DLG2: variants seen among roughly 807,000 people sequenced by gnomAD.
DLG2 encodes disks large homolog 2.
Under a neutral mutation model 132.5 loss-of-function variants are expected in DLG2, and 45 were observed. The ratio of observed to expected loss-of-function variants is 0.34; its 90% CI spans 0.27 to 0.44. The LOEUF (loss-of-function observed/expected upper bound fraction) is 0.44. Among genes scored for constraint, DLG2 ranks in the 20% least tolerant of loss-of-function variants. The pLI is 1.00. For synonymous variants in DLG2, 424 were observed against 419.6 expected (o/e 1.01, Z -0.13); for missense variants, 1,045 against 1,196.9 (o/e 0.87, Z 1.87).
rs540529011 is a variant in DLG2 at position 84,847,508 on chromosome 11, C to A, written c.357+264153G>T. 2.6e-5 allele frequency among the ~76,000 whole-genome samples: 4 copies of A among 152,116 alleles called. No homozygotes were observed. In the South Asian group the frequency reaches 6.2e-4, roughly 24 times the overall value. On this transcript the variant is annotated intron_variant, in intron 6 of 27. Coordinates refer to ENST00000376104, the MANE Select transcript of DLG2 (RefSeq NM_001142699.3). Reference sequence around the variant, plus strand: ...AGCTATGAGCTAATGAAGGAACTGTCCAGTTTTCAAGCACAATCTAGAAAA... The same window carrying A: ...AGCTATGAGCTAATGAAGGAACTGTACAGTTTTCAAGCACAATCTAGAAAA...
intron 7 of DLG2, among the ~76,000 whole-genome samples, chr11:84,335,033 T>A (rs1037372196): frequency 6.6e-6 from 1 of 151,910 alleles, no homozygotes; most frequent in African/African-American, 2.4e-5. Flanking sequence ...ATTTGCAGCC[T>A]CAAAAATATA....
chr11:84,801,005 C>G (rs1299818731), intron 6 of DLG2, among the ~76,000 whole-genome samples: 1 of 152,082 alleles, frequency 6.6e-6, no homozygotes, highest in Non-Finnish European at 1.5e-5. Flanking sequence ...GCTGAGCAAG[C>G]CTGGGGAGCA....
At chr11:85,253,276 T>A (rs1216402685) in intron 4 of DLG2, among the ~76,000 whole-genome samples, 1 of 152,168 alleles carries the variant, frequency 6.6e-6, no homozygotes, top group African/African-American at 2.4e-5. Context: ...AAAAATCACA[T>A]ACATAGCAAA....
At chr11:83,981,022 T>C (rs1402322123) in intron 11 of DLG2, among the ~76,000 whole-genome samples, 2 of 152,200 alleles carry the variant, frequency 1.3e-5, no homozygotes, top group East Asian at 1.9e-4. Flanking sequence ...GTTGACTCTA[T>C]GGGCTCATTT....
intron 3 of DLG2, among the ~76,000 whole-genome samples, chr11:85,576,935 C>T (rs1311054297): frequency 1.3e-5 from 2 of 152,010 alleles, no homozygotes; most frequent in African/African-American, 4.8e-5. Flanking sequence ...CAAAGAATTC[C>T]ACACAGAGGA....
chr11:85,402,856 G>A (rs1423745390), intron 3 of DLG2, among the ~76,000 whole-genome samples: 1 of 152,166 alleles, frequency 6.6e-6, no homozygotes, highest in African/African-American at 2.4e-5. Flanking sequence ...ATGCTGGAGA[G>A]GATGTGGAAA....
intron 6 of DLG2, among the ~76,000 whole-genome samples, chr11:84,625,252 A>C (rs2099620715): frequency 6.6e-6 from 1 of 152,138 alleles, no homozygotes; most frequent in Admixed American, 6.5e-5. Flanking sequence ...AAGCCAATGC[A>C]TGTTCCTAGG....
chr11:83,918,788 A>G (rs2077353267), intron 15 of DLG2, among the ~76,000 whole-genome samples: 1 of 152,116 alleles, frequency 6.6e-6, no homozygotes, highest in Non-Finnish European at 1.5e-5. Context: ...TCAGTGCTGT[A>G]ACATGAGACT....
intron 6 of DLG2, among the ~76,000 whole-genome samples, chr11:85,054,924 G>A (rs375174316): frequency 2.0e-5 from 3 of 152,098 alleles, no homozygotes; most frequent in South Asian, 4.1e-4. Flanking sequence ...TCAGTACTGG[G>A]GTGATGGAAT....
intron 6 of DLG2, among the ~76,000 whole-genome samples, chr11:84,781,820 A>T (rs1446871220): frequency 6.6e-6 from 1 of 152,150 alleles, no homozygotes; most frequent in Non-Finnish European, 1.5e-5. Flanking sequence ...TCAGTGCTGA[A>T]CAACTTTTAG....
chr11:83,955,266 C>G (rs558190358), intron 14 of DLG2, among the ~76,000 whole-genome samples: 1 of 152,250 alleles, frequency 6.6e-6, no homozygotes, highest in South Asian at 2.1e-4. Flanking sequence ...GGTCACACAG[C>G]TAGGAAATGG....
chr11:84,085,744 G>C (rs147176861), intron 10 of DLG2, among the ~76,000 whole-genome samples: 4 of 152,108 alleles, frequency 2.6e-5, no homozygotes, highest in Non-Finnish European at 5.9e-5. Flanking sequence ...AAGCAGTGGC[G>C]ATGCTTAAAT....
chr11:84,044,339 C>A (rs35388672), intron 11 of DLG2, among the ~76,000 whole-genome samples: 3,397 of 151,850 alleles, frequency 0.022, 70 homozygotes, highest in Middle Eastern at 0.034. Context: ...TTACTAAATT[C>A]TTTCATCCTG....
chr11:85,030,323 C>G (rs2060902107), intron 6 of DLG2, among the ~76,000 whole-genome samples: 1 of 152,170 alleles, frequency 6.6e-6, no homozygotes, highest in South Asian at 2.1e-4. Context: ...ACTATTGACT[C>G]TTTTATCCAG....
chr11:84,434,166 A>C (rs1602052648), intron 7 of DLG2, among the ~76,000 whole-genome samples: 1 of 152,028 alleles, frequency 6.6e-6, no homozygotes. Flanking sequence ...AGTTTGCTAC[A>C]CTTAACCAAT....
intron 18 of DLG2, among the ~76,000 whole-genome samples, chr11:83,701,474 A>T (rs1044835800): frequency 6.6e-6 from 1 of 152,156 alleles, no homozygotes; most frequent in African/African-American, 2.4e-5. Context: ...TTTAGGGGCC[A>T]CTTCAGGTCA....
intron 22 of DLG2, among the ~76,000 whole-genome samples, chr11:83,473,608 T>G (rs554890150): frequency 1.3e-5 from 2 of 152,272 alleles, no homozygotes; most frequent in Admixed American, 1.3e-4. Flanking sequence ...GTCTGCATTT[T>G]TTTTTGCATT....
At chr11:83,740,248 A>G (rs1241067059) in intron 18 of DLG2, among the ~76,000 whole-genome samples, 1 of 152,166 alleles carries the variant, frequency 6.6e-6, no homozygotes, top group African/African-American at 2.4e-5. Context: ...GTACAGAAAC[A>G]GCCTAAATGT....
chr11:85,454,225 A>G (rs1363224350), intron 3 of DLG2, among the ~76,000 whole-genome samples: 1 of 151,532 alleles, frequency 6.6e-6, no homozygotes, highest in Non-Finnish European at 1.5e-5. Context: ...TTGAGTTTTA[A>G]TAATGGCCAG....
Sources: gnomAD v4.1 joint callset for allele counts (sites outside exome capture counted in the v4.1 genomes callset) on GRCh38, gnomAD v4.1.1 for gene constraint, MANE v1.5 for transcripts, NCBI Gene and HGNC (gene_info 2026-07-23, HGNC 2026-07-21) for gene names.